The following C11orf54 variants were observed in gnomAD, a reference collection of about 807,000 sequenced individuals.
C11orf54 encodes beta-keto-L-gulonate decarboxylase.
Under a neutral mutation model 35.5 loss-of-function variants are expected in C11orf54, and 29 were observed. The observed-to-expected ratio is 0.82, with a 90% confidence interval of 0.61 to 1.11. The LOEUF (loss-of-function observed/expected upper bound fraction) is 1.11. Among genes scored for constraint, C11orf54 ranks in the 50% most tolerant of loss-of-function variants. The pLI, the probability that C11orf54 is intolerant of heterozygous loss-of-function variation, is 0.00. For missense variants in C11orf54, 373 were observed against 369.2 expected (o/e 1.01, Z -0.08); for synonymous variants, 108 against 121.1 (o/e 0.89, Z 0.71).
At position 93,761,742 on chromosome 11, in the gene C11orf54, ACTT is replaced by A; in HGVS notation, c.*55_*57del. On this transcript the variant is annotated 3_prime_UTR_variant, in exon 9 of 9. Transcript: ENST00000354421. The stretch of plus-strand genomic sequence containing the variant: ...ATAATTAAGGTTAATTAATTGATTG[ACTT>A]ATTAATTAATACTGATATAAAACCA... 1 of 1,450,350 alleles carries A rather than the reference ACTT, an allele frequency of 6.9e-7. No individual in the cohort carries two copies. Among genetic ancestry groups the A allele is most frequent in the Non-Finnish European group, 9.3e-7 (1 of 1,072,520 alleles). 89.8% of individuals were successfully genotyped at this position (1,450,350 alleles called of 1,614,324 possible).
intron 1 of C11orf54, among the ~76,000 whole-genome samples, chr11:93,744,969 C>T (rs1023224350): frequency 1.3e-5 from 2 of 151,584 alleles, no homozygotes; most frequent in East Asian, 2.1e-4. Flanking sequence ...AAGAAATCTG[C>T]GTCATAAATA....
At chr11:93,742,736 A>AT (rs1319538088) in intron 1 of C11orf54, 2 of 152,280 alleles carry the variant, frequency 1.3e-5, no homozygotes, top group East Asian at 1.9e-4. Flanking sequence ...AATTCCGGGG[A>AT]TAAAAAGTCC....
chr11:93,757,139 TGC>T (rs1491217245), intron 6 of C11orf54, among the ~76,000 whole-genome samples, 175 bp from the exon 7 acceptor site: 12 of 151,596 alleles, frequency 7.9e-5, no homozygotes, highest in South Asian at 2.1e-4. Context: ...TGTGTGTGTG[TGC>T]ATACATATAT....
chr11:93,759,691 A>G (rs376280859), intron 7 of C11orf54, 51 bp from the exon 8 acceptor site: 2 of 900,980 alleles, frequency 2.2e-6, no homozygotes, highest in Non-Finnish European at 3.2e-6. Context: ...AAAATTTTTA[A>G]TTCTTAGTAA....
rs1943511176 is a variant in C11orf54 at position 93,762,182 on chromosome 11, C to G, written c.*494C>G. 6.6e-6 allele frequency: 1 copy of G among 151,898 alleles called. No individual in the cohort carries two copies. The highest frequency in any genetic ancestry group is 6.6e-5 in the Admixed American group (1 of 15,230). The allele number at this position is 151,898 out of a possible 1,614,324, so 9.4% of individuals were successfully genotyped here. On this transcript the variant is annotated 3_prime_UTR_variant, in exon 9 of 9. Transcript: ENST00000354421. ...ATTTCTACTATGTATTTAGTAGTATCTTATATTTGTATAACATTATTACAT... is the reference window on the plus strand; with the variant it reads ...ATTTCTACTATGTATTTAGTAGTATGTTATATTTGTATAACATTATTACAT...
In C11orf54 at chr11:93,761,716, AATAAT is replaced by A. The variant is rs1943488874; in HGVS notation, c.*29_*33del. The A allele has an allele frequency of 5.9e-6, 7 of 1,189,288 alleles. No homozygotes were observed. In the South Asian group the frequency reaches 7.2e-5, roughly 12 times the overall value. 73.7% of individuals were successfully genotyped at this position (1,189,288 alleles called of 1,614,324 possible). A position where few individuals can be genotyped will look rare whatever the true frequency, so the allele number is the denominator to read the frequency against. Reference sequence around the variant, plus strand: ...CAGCTGATACTTATTTAGAAAAAGAAATAATTAAGGTTAATTAATTGATTGACTTA... The same window carrying A: ...CAGCTGATACTTATTTAGAAAAAGAATAAGGTTAATTAATTGATTGACTTA... On this transcript the variant is annotated 3_prime_UTR_variant, in exon 9 of 9. Transcript: ENST00000354421.
chr11:93,757,467 T>TA lies in C11orf54; in HGVS notation c.657+4dup. On this transcript the variant is annotated splice_region_variant and intron_variant, in intron 7 of 8. Transcript: ENST00000354421. ...GGAAAAGTGAAGTCTCACATTATGG[T>TA]AAGAGCCCATGTGTGCATACATGCA... The TA allele has an allele frequency of 6.3e-7, 1 of 1,597,348 alleles. No individual in the cohort carries two copies. The highest frequency in any genetic ancestry group is 8.5e-7 in the Non-Finnish European group (1 of 1,179,398).
chr11:93,759,944 T>TTTG (rs932542987), intron 8 of C11orf54, 86 bp downstream of exon 8: 8 of 809,494 alleles, frequency 9.9e-6, no homozygotes, highest in South Asian at 2.3e-5. Context: ...CACTTTTGTG[T>TTTG]TTGTTGTTGT....
At chr11:93,759,320 A>C (rs1422648621) in intron 7 of C11orf54, among the ~76,000 whole-genome samples, 2 of 152,234 alleles carry the variant, frequency 1.3e-5, no homozygotes, top group Non-Finnish European at 2.9e-5. Flanking sequence ...CAGCCATAAA[A>C]AAGGATGAAT....
chr11:93,750,934 ATAGT>A (rs974675570), intron 3 of C11orf54, among the ~76,000 whole-genome samples: 16 of 152,228 alleles, frequency 1.1e-4, no homozygotes, highest in Non-Finnish European at 1.5e-4. Flanking sequence ...AGTATGATAG[ATAGT>A]TAGTTGATGT....
At chr11:93,755,049 C>T (rs1227713210) in intron 5 of C11orf54, 161 bp from the exon 6 acceptor site, 6 of 808,786 alleles carry the variant, frequency 7.4e-6, no homozygotes, top group Non-Finnish European at 1.1e-5. Context: ...TAAATGTTTT[C>T]CAAGTTTTTT....
intron 2 of C11orf54, 105 bp downstream of exon 2, chr11:93,747,553 A>ATCTTACTTC: frequency 1.7e-6 from 1 of 581,202 alleles, no homozygotes; most frequent in Non-Finnish European, 2.7e-6. Flanking sequence ...GTATATCTAT[A>ATCTTACTTC]TCTTACTTAT....
chr11:93,747,947 A>G (rs942250687), intron 2 of C11orf54, among the ~76,000 whole-genome samples: 1 of 152,348 alleles, frequency 6.6e-6, no homozygotes, highest in East Asian at 1.9e-4. Flanking sequence ...AGGAGGGAAG[A>G]TAGTCAAAAA....
At chr11:93,752,425 T>G (rs1459566618) in intron 3 of C11orf54, among the ~76,000 whole-genome samples, 2 of 152,112 alleles carry the variant, frequency 1.3e-5, no homozygotes, top group Non-Finnish European at 2.9e-5. Flanking sequence ...CCTTAAAATG[T>G]TTACTAGTAC....
At chr11:93,759,028 TG>T (rs1377804842) in intron 7 of C11orf54, among the ~76,000 whole-genome samples, 3 of 152,168 alleles carry the variant, frequency 2.0e-5, no homozygotes, top group African/African-American at 7.2e-5. Context: ...GGAGAGGTTG[TG>T]GAAAAATAGG....
At position 93,759,787 on chromosome 11, in the gene C11orf54, A is replaced by G; in HGVS notation, c.703A>G (p.Asn235Asp). 6.2e-7 allele frequency: 1 copy of G among 1,611,228 alleles called. No homozygotes were observed. The highest frequency in any genetic ancestry group is 8.5e-7 in the Non-Finnish European group (1 of 1,178,108). ...CCCCTTGAACTCTGATGAAGAAGTG[A>G]ATAAATGGTTGCATTTTTATGAAAT... ...SCPLNSDEEV[N>D]KWLHFYEMKA... Residue 235 changes from asparagine to aspartate, a missense_variant, in exon 8 of 9, where the codon AAT becomes GAT. Coordinates refer to ENST00000354421, the MANE Select transcript of C11orf54 (RefSeq NM_001286069.2).
chr11:93,761,198 A>G (rs891634931), intron 8 of C11orf54, among the ~76,000 whole-genome samples: 1 of 152,214 alleles, frequency 6.6e-6, no homozygotes, highest in Non-Finnish European at 1.5e-5. Flanking sequence ...CTATATTGTT[A>G]CATGAAAAAA....
chr11:93,750,865 T>A (rs1475288332), intron 3 of C11orf54, among the ~76,000 whole-genome samples: 1 of 152,230 alleles, frequency 6.6e-6, no homozygotes, highest in African/African-American at 2.4e-5. Context: ...CAAGTGAGCA[T>A]CCACTGTTTG....
chr11:93,751,300 C>G (rs1478171515), intron 3 of C11orf54, among the ~76,000 whole-genome samples: 4 of 151,108 alleles, frequency 2.6e-5, no homozygotes, highest in African/African-American at 2.4e-5. Context: ...CTTAAACAAT[C>G]TTTGATTTTA....
Sources: allele counts gnomAD v4.1 joint callset (sites outside exome capture counted in the v4.1 genomes callset), GRCh38; gene constraint gnomAD v4.1.1; transcripts MANE v1.5; gene names NCBI Gene and HGNC (gene_info 2026-07-23, HGNC 2026-07-21).